Variants in AMPH observed in about 807,000 individuals in gnomAD.
The protein encoded by AMPH is amphiphysin (Stiff-Mann syndrome with breast cancer 128kD autoantigen).
In AMPH, 49 loss-of-function variants were observed where a neutral mutation model predicts 99.1. The observed-to-expected ratio is 0.49, with a 90% CI of 0.39 to 0.63. AMPH has a LOEUF of 0.63. Among genes scored for constraint, AMPH ranks in the 20% least tolerant of loss-of-function variants. The pLI is 0.00. For missense variants in AMPH, 759 were observed against 863.4 expected (o/e 0.88, Z 1.52); for synonymous variants, 314 against 317.3 (o/e 0.99, Z 0.11).
intron 17 of AMPH, among the ~76,000 whole-genome samples, chr7:38,410,577 C>T (rs576906985): frequency 2.0e-5 from 3 of 152,162 alleles, no homozygotes; most frequent in Non-Finnish European, 4.4e-5. Flanking sequence ...CTTGTTACTA[C>T]AAAGAATTGT....
At chr7:38,581,948 T>C (rs144967620) in intron 1 of AMPH, among the ~76,000 whole-genome samples, 15 of 152,214 alleles carry the variant, frequency 9.9e-5, no homozygotes, top group Non-Finnish European at 1.5e-4. Flanking sequence ...AAGTTTGAGA[T>C]GCTATTAGAT....
chr7:38,493,202 C>T (rs1788796436), intron 4 of AMPH, among the ~76,000 whole-genome samples: 1 of 152,186 alleles, frequency 6.6e-6, no homozygotes, highest in African/African-American at 2.4e-5. Flanking sequence ...ACATTCAGTG[C>T]ATCACCTATC....
At chr7:38,585,721 A>G (rs1446504906) in intron 1 of AMPH, among the ~76,000 whole-genome samples, 1 of 152,254 alleles carries the variant, frequency 6.6e-6, no homozygotes, top group African/African-American at 2.4e-5. Context: ...TCTACTCTTA[A>G]TAGGCTATTT....
chr7:38,444,117 A>G (rs1347024533), intron 11 of AMPH, among the ~76,000 whole-genome samples: 1 of 152,240 alleles, frequency 6.6e-6, no homozygotes, highest in Non-Finnish European at 1.5e-5. Context: ...GATAAATCCA[A>G]CAAAAGATGT....
intron 2 of AMPH, among the ~76,000 whole-genome samples, chr7:38,511,753 C>A (rs1489062292): frequency 6.6e-6 from 1 of 152,182 alleles, no homozygotes; most frequent in Admixed American, 6.5e-5. Context: ...TATAAAAATA[C>A]TTTGTCACTG....
At chr7:38,551,474 T>A (rs1425583885) in intron 1 of AMPH, among the ~76,000 whole-genome samples, 2 of 152,236 alleles carry the variant, frequency 1.3e-5, no homozygotes, top group Admixed American at 6.5e-5. Context: ...TCTTTCTTTT[T>A]TCCTTTCCCT....
intron 2 of AMPH, among the ~76,000 whole-genome samples, chr7:38,532,911 C>T (rs1157681395): frequency 1.3e-5 from 2 of 152,150 alleles, no homozygotes; most frequent in African/African-American, 4.8e-5. Context: ...AATTAATTAG[C>T]TCCATGGGGA....
In AMPH at chr7:38,394,137, T is replaced by C. The variant is rs1196157735; in HGVS notation, c.1476A>G (p.Ala492=). Residue 492 remains alanine (A), a synonymous_variant, in exon 18 of 21, where the codon GCA becomes GCG. Transcript: ENST00000356264. ...SAAEGAPGEE[A]EAEKATVPAG... is the part of the protein sequence containing the mutation. The stretch of plus-strand genomic sequence containing the variant: ...CAGGGACAGTGGCCTTCTCCGCCTC[T>C]GCTTCCTCTCCTGGGGCCCCCTCAG... 6.2e-7 allele frequency: 1 copy of C among 1,614,220 alleles called. No homozygotes were observed. Among genetic ancestry groups the C allele is most frequent in the African/African-American group, 1.3e-5 (1 of 75,068 alleles).
At chr7:38,624,288 A>G (rs1460062064) in intron 1 of AMPH, among the ~76,000 whole-genome samples, 1 of 149,196 alleles carries the variant, frequency 6.7e-6, no homozygotes, top group African/African-American at 2.6e-5. Flanking sequence ...AGACAATTAT[A>G]TAATAATCAC....
Position 38,618,224 on chromosome 7 carries a change from T to C in AMPH, c.69+13059A>G, listed in dbSNP as rs186599491. Among the ~76,000 whole-genome samples the C allele has an allele frequency of 2.9e-3, 447 of 151,738 alleles. 3 individuals are homozygous for C. The highest frequency in any genetic ancestry group is 0.01 in the African/African-American group (428 of 41,384). On this transcript the variant is annotated intron_variant, in intron 1 of 20. Coordinates refer to ENST00000356264, the MANE Select transcript of AMPH (RefSeq NM_001635.4). ...TATGATTCTATCTGATTTAAAAGAG[T>C]TGCATAGGCCAGGCGCGGTGGCTCA...
chr7:38,494,608 G>A (rs1788857473), intron 3 of AMPH, 81 bp from the exon 4 acceptor site: 3 of 1,257,668 alleles, frequency 2.4e-6, no homozygotes, highest in Non-Finnish European at 3.5e-6. Flanking sequence ...TCTTAAGTGA[G>A]AGAAAAATAT....
intron 1 of AMPH, among the ~76,000 whole-genome samples, chr7:38,557,266 G>C (rs1314599650): frequency 1.3e-5 from 2 of 152,196 alleles, no homozygotes; most frequent in African/African-American, 4.8e-5. Flanking sequence ...TCACAGCCAT[G>C]GGTATAGTAG....
intron 2 of AMPH, among the ~76,000 whole-genome samples, chr7:38,505,882 G>C (rs1442985486): frequency 1.3e-5 from 2 of 152,132 alleles, no homozygotes; most frequent in East Asian, 3.9e-4. Flanking sequence ...GGCTTTGGTA[G>C]ATTTTATTGT....
intron 16 of AMPH, among the ~76,000 whole-genome samples, chr7:38,420,394 T>A (rs970722489): frequency 2.0e-5 from 3 of 152,222 alleles, no homozygotes. Flanking sequence ...ACAAGATGCC[T>A]CCCTTGAAAG....
chr7:38,561,975 T>C (rs4723770), intron 1 of AMPH, among the ~76,000 whole-genome samples: 1 of 149,716 alleles, frequency 6.7e-6, no homozygotes, highest in Non-Finnish European at 1.5e-5. Context: ...ATGTTTTTTT[T>C]TTTTTGTTAT....
chr7:38,578,130 G>A (rs1339739866), intron 1 of AMPH, among the ~76,000 whole-genome samples: 1 of 152,058 alleles, frequency 6.6e-6, no homozygotes, highest in Admixed American at 6.6e-5. Context: ...TTTTCCAGGA[G>A]AAAATCATAC....
At chr7:38,544,117 A>T (rs1308037161) in intron 1 of AMPH, among the ~76,000 whole-genome samples, 3 of 152,206 alleles carry the variant, frequency 2.0e-5, no homozygotes, top group Non-Finnish European at 4.4e-5. Flanking sequence ...TTTAGATTCT[A>T]CTCTGACTAA....
rs1455611343 is a variant in AMPH, at chr7:38,433,680, C to G, written c.1135-1468G>C. 6.6e-5 allele frequency among the ~76,000 whole-genome samples: 5 copies of G among 75,876 alleles called. 1 individual carries two copies. Among genetic ancestry groups the G allele is most frequent in the East Asian group, 1.0e-3 (2 of 1,996 alleles). 49.8% of individuals were successfully genotyped at this position (75,876 alleles called of 152,430 possible). A position where few individuals can be genotyped will look rare whatever the true frequency, so the allele number is the denominator to read the frequency against. On this transcript the variant is annotated intron_variant, in intron 12 of 20. Transcript: ENST00000356264. ...GCGGAGCTTGCAGTGAGCCGAGATC[C>G]TGCCACTGCACTCCAGCCTGGGCAA...
chr7:38,418,443 C>A (rs995701366), intron 16 of AMPH, among the ~76,000 whole-genome samples: 23 of 152,060 alleles, frequency 1.5e-4, no homozygotes, highest in African/African-American at 5.6e-4. Context: ...AGTTCCAGGG[C>A]CTTTCAGTTT....
Sources: allele counts gnomAD v4.1 joint callset (sites outside exome capture counted in the v4.1 genomes callset), GRCh38; gene constraint gnomAD v4.1.1; transcripts MANE v1.5; gene names NCBI Gene and HGNC (gene_info 2026-07-23, HGNC 2026-07-21).